EIF4G3: variants seen among roughly 807,000 people sequenced by gnomAD.
EIF4G3 encodes the protein eukaryotic translation initiation factor 4 gamma 3, also known as eIF-4-gamma 3.
In EIF4G3, 34 loss-of-function variants were observed where a neutral mutation model predicts 186.4. The ratio of observed to expected loss-of-function variants is 0.18; its 90% CI spans 0.14 to 0.24. EIF4G3 has a LOEUF of 0.24. Among genes scored for constraint, EIF4G3 ranks in the 10% least tolerant of loss-of-function variants. The probability of loss-of-function intolerance (pLI) is 1.00; values close to 1 mark genes in which losing one functional copy is unlikely to be tolerated. For missense variants in EIF4G3, 1,536 were observed against 1,948.5 expected (o/e 0.79, Z 3.99); for synonymous variants, 673 against 679.5 (o/e 0.99, Z 0.15).
intron 7 of EIF4G3, among the ~76,000 whole-genome samples, chr1:20,983,411 A>C (rs1553384787): frequency 6.6e-6 from 1 of 152,202 alleles, no homozygotes; most frequent in Non-Finnish European, 1.5e-5. Flanking sequence ...TTTTGGTGAC[A>C]ACATTTTTTT....
At chr1:21,171,138 G>C (rs948434255) in intron 2 of EIF4G3, among the ~76,000 whole-genome samples, 1 of 152,220 alleles carries the variant, frequency 6.6e-6, no homozygotes, top group African/African-American at 2.4e-5. Flanking sequence ...TGAGAATTCA[G>C]AAGTCGCTTG....
intron 30 of EIF4G3, among the ~76,000 whole-genome samples, chr1:20,831,764 C>T (rs1443751456): frequency 5.3e-5 from 7 of 132,268 alleles, no homozygotes; most frequent in Non-Finnish European, 1.1e-4. Context: ...CCCCCTCCCC[C>T]GACCCCACAA....
chr1:21,148,610 G>A (rs1220207205), intron 2 of EIF4G3, among the ~76,000 whole-genome samples: 2 of 151,292 alleles, frequency 1.3e-5, no homozygotes, highest in Non-Finnish European at 2.9e-5. Flanking sequence ...GCTAAGGCAG[G>A]AGAATGGTGT....
At chr1:21,174,545 CT>C (rs2098062568) in intron 2 of EIF4G3, among the ~76,000 whole-genome samples, 1 of 152,134 alleles carries the variant, frequency 6.6e-6, no homozygotes, top group South Asian at 2.1e-4. Context: ...CTTAAAAGTC[CT>C]AACCGAGTAT....
At chr1:20,907,764 G>GTGCCACAT (rs1334338325) in intron 14 of EIF4G3, among the ~76,000 whole-genome samples, 1 of 151,988 alleles carries the variant, frequency 6.6e-6, no homozygotes, top group African/African-American at 2.4e-5. Context: ...TGGTGTATAT[G>GTGCCACAT]TGCCACATTT....
At chr1:21,002,118 A>C (rs903364183) in intron 5 of EIF4G3, among the ~76,000 whole-genome samples, 1 of 152,242 alleles carries the variant, frequency 6.6e-6, no homozygotes. Context: ...GTAAATTCTC[A>C]GTCTTGGCAG....
At position 20,941,391 on chromosome 1, in the gene EIF4G3, T is replaced by A. The variant is rs760941469; in HGVS notation, c.1663+100A>T. The A allele has an allele frequency of 1.6e-5, 26 of 1,611,708 alleles. No individual in the cohort carries two copies. In the East Asian group the frequency reaches 5.4e-4, roughly 33 times the overall value. ...ACTAGGAATTTCAGCATTCATTCGA[T>A]GTTTCTGGAAGTCAAGGAAAGTAGC... is the stretch of plus-strand genomic sequence containing the variant. On this transcript the variant is annotated intron_variant, in intron 14 of 36. Coordinates refer to ENST00000602326, the MANE Select transcript of EIF4G3 (RefSeq NM_001391906.1).
intron 18 of EIF4G3, 138 bp from the exon 19 acceptor site, chr1:20,886,509 TC>T: frequency 1.4e-6 from 1 of 696,304 alleles, no homozygotes; most frequent in Non-Finnish European, 2.2e-6. Context: ...CTGGAGGTAA[TC>T]TTTTTTGGGG....
chr1:20,938,058 G>A (rs556459277), intron 14 of EIF4G3, among the ~76,000 whole-genome samples: 3 of 151,766 alleles, frequency 2.0e-5, no homozygotes, highest in South Asian at 2.1e-4. Context: ...GTGAAGTGGC[G>A]CGATGTTGGA....
chr1:20,989,889 T>C (rs983236341), intron 7 of EIF4G3, among the ~76,000 whole-genome samples: 6 of 151,890 alleles, frequency 4.0e-5, no homozygotes, highest in African/African-American at 1.5e-4. Context: ...AAATAAAGAG[T>C]CCACTGGCCG....
intron 28 of EIF4G3, 93 bp from the exon 29 acceptor site, chr1:20,849,623 T>A (rs1455501256): frequency 3.8e-6 from 2 of 519,562 alleles, no homozygotes; most frequent in African/African-American, 4.0e-5. Context: ...GCTATTACAT[T>A]ATTTTAATAG....
At chr1:21,139,061 T>C (rs1279921993) in intron 2 of EIF4G3, among the ~76,000 whole-genome samples, 1 of 152,098 alleles carries the variant, frequency 6.6e-6, no homozygotes, top group Non-Finnish European at 1.5e-5. Flanking sequence ...AGTTTCTAAC[T>C]TTGACCAATT....
At chr1:21,032,291 T>A (rs1329700408) in intron 4 of EIF4G3, among the ~76,000 whole-genome samples, 2 of 152,198 alleles carry the variant, frequency 1.3e-5, no homozygotes, top group East Asian at 3.8e-4. Context: ...TTATTAGTTA[T>A]CTTTGGCAGA....
intron 2 of EIF4G3, among the ~76,000 whole-genome samples, chr1:21,162,874 A>T (rs2097788989): frequency 6.6e-6 from 1 of 152,248 alleles, no homozygotes; most frequent in South Asian, 2.1e-4. Flanking sequence ...ATCTATTAGT[A>T]GGTCACTGGT....
chr1:20,995,023 T>G (rs1439291680), intron 7 of EIF4G3, among the ~76,000 whole-genome samples: 1 of 152,188 alleles, frequency 6.6e-6, no homozygotes, highest in East Asian at 1.9e-4. Context: ...TGCTAACACT[T>G]TACTGAGTCC....
At chr1:21,005,306 C>A (rs1277202020) in intron 4 of EIF4G3, among the ~76,000 whole-genome samples, 1 of 152,086 alleles carries the variant, frequency 6.6e-6, no homozygotes, top group Non-Finnish European at 1.5e-5. Context: ...TTCATAAGGT[C>A]ATTTCTCAGT....
At chr1:20,940,928 GTTTCA>G (rs1457890557) in intron 14 of EIF4G3, among the ~76,000 whole-genome samples, 1 of 152,152 alleles carries the variant, frequency 6.6e-6, no homozygotes, top group African/African-American at 2.4e-5. Flanking sequence ...AAATAAAACT[GTTTCA>G]AAAGGCAAAG....
chr1:21,020,670 T>A (rs2090467564), intron 4 of EIF4G3, among the ~76,000 whole-genome samples: 1 of 152,202 alleles, frequency 6.6e-6, no homozygotes. Flanking sequence ...TTTTCCATTC[T>A]AGGTTAATAC....
chr1:21,053,543 T>TG (rs1211887326), intron 3 of EIF4G3, among the ~76,000 whole-genome samples: 10 of 110,990 alleles, frequency 9.0e-5, no homozygotes, highest in East Asian at 2.7e-4. Flanking sequence ...GGGAAGGAGG[T>TG]GGGGGGGTCA....
Sources: gnomAD v4.1 joint callset for allele counts (sites outside exome capture counted in the v4.1 genomes callset) on GRCh38, gnomAD v4.1.1 for gene constraint, MANE v1.5 for transcripts, NCBI Gene and HGNC (gene_info 2026-07-23, HGNC 2026-07-21) for gene names.